ZNF266: variants seen among roughly 807,000 people sequenced by gnomAD.
The protein encoded by ZNF266 is zinc finger protein 266.
Under a neutral mutation model 16.4 loss-of-function variants are expected in ZNF266, and 16 were observed. The observed-to-expected ratio is 0.98, with a 90% confidence interval of 0.66 to 1.48. The LOEUF (loss-of-function observed/expected upper bound fraction) is 1.48. ZNF266 is among the 40% of genes most tolerant of loss of function. The probability of loss-of-function intolerance (pLI) is 0.00; values close to 1 mark genes in which losing one functional copy is unlikely to be tolerated. For synonymous variants in ZNF266, 262 were observed against 237.9 expected (o/e 1.10, Z -0.93); for missense variants, 738 against 689.1 (o/e 1.07, Z -0.79).
At chr19:9,416,918 G>A (rs1245743242) in intron 9 of ZNF266, among the ~76,000 whole-genome samples, 5 of 151,320 alleles carry the variant, frequency 3.3e-5, no homozygotes, top group East Asian at 2.0e-4. Flanking sequence ...TGATCTGCCC[G>A]CCTCAGCCTC....
chr19:9,412,942 G>C lies in ZNF266; in HGVS notation c.*333C>G, dbSNP rs2068453134. 3.3e-6 allele frequency: 1 copy of C among 304,342 alleles called. No homozygotes were observed. Among genetic ancestry groups the C allele is most frequent in the Non-Finnish European group, 6.1e-6 (1 of 165,024 alleles). 18.9% of individuals were successfully genotyped at this position (304,342 alleles called of 1,614,324 possible). A position where few individuals can be genotyped will look rare whatever the true frequency, so the allele number is the denominator to read the frequency against. On this transcript the variant is annotated 3_prime_UTR_variant, in exon 11 of 11. Coordinates refer to ENST00000592904, the MANE Select transcript of ZNF266 (RefSeq NM_001370374.1). Reference sequence around the variant, plus strand: ...CAAATATGGAGTGGGGCATCATCCAGACCATACCATTTAAATTGCAGGGTT... The same window carrying C: ...CAAATATGGAGTGGGGCATCATCCACACCATACCATTTAAATTGCAGGGTT...
Position 9,434,092 on chromosome 19 carries a change from T to A in ZNF266, c.-266A>T, listed in dbSNP as rs2072071678. ...TGTCAAACCTGGGAGTAATCTTTGA[T>A]GCACTCCTCTCTCTCACCATAGAAG... On this transcript the variant is annotated 5_prime_UTR_variant, in exon 4 of 11. Coordinates refer to ENST00000592904, the MANE Select transcript of ZNF266 (RefSeq NM_001370374.1). 1 of 152,248 alleles carries A rather than the reference T, an allele frequency of 6.6e-6. No homozygotes were observed. The highest frequency in any genetic ancestry group is 2.4e-5 in the African/African-American group (1 of 41,464). 9.4% of individuals were successfully genotyped at this position (152,248 alleles called of 1,614,324 possible).
chr19:9,430,866 G>A (rs886572815), intron 5 of ZNF266, among the ~76,000 whole-genome samples: 3 of 152,210 alleles, frequency 2.0e-5, no homozygotes, highest in African/African-American at 4.8e-5. Flanking sequence ...CAGTCCCACA[G>A]GTCCTCTCTG....
intron 5 of ZNF266, among the ~76,000 whole-genome samples, chr19:9,427,988 G>C (rs200037582): frequency 1.3e-4 from 19 of 151,802 alleles, no homozygotes; most frequent in African/African-American, 4.6e-4. Context: ...AAAACGGGGG[G>C]AAAAATCAAC....
intron 5 of ZNF266, among the ~76,000 whole-genome samples, chr19:9,426,829 AG>A (rs1356130028): frequency 6.6e-6 from 1 of 152,176 alleles, no homozygotes; most frequent in African/African-American, 2.4e-5. Context: ...TAAATACAGG[AG>A]AAAAAAAATA....
chr19:9,428,524 G>A (rs1457603835), intron 5 of ZNF266, among the ~76,000 whole-genome samples: 1 of 152,190 alleles, frequency 6.6e-6, no homozygotes, highest in South Asian at 2.1e-4. Flanking sequence ...GGGGCTCAGT[G>A]GAATGCTGCT....
At chr19:9,417,262 G>T (rs150172801) in intron 9 of ZNF266, among the ~76,000 whole-genome samples, 1 of 152,096 alleles carries the variant, frequency 6.6e-6, no homozygotes, top group African/African-American at 2.4e-5. Context: ...CCGGCTACTC[G>T]GGAGGACGAG....
chr19:9,431,200 A>G (rs1379051847), intron 5 of ZNF266, among the ~76,000 whole-genome samples: 1 of 152,152 alleles, frequency 6.6e-6, no homozygotes. Flanking sequence ...CACGGTGGTC[A>G]GCAGTGTGGG....
At chr19:9,418,425 G>A (rs376722437) in intron 8 of ZNF266, 80 bp downstream of exon 8, 319 of 1,423,338 alleles carry the variant, frequency 2.2e-4, no homozygotes, top group Non-Finnish European at 2.7e-4. Flanking sequence ...GTTCAGAGTT[G>A]CTATCTCTGA....
chr19:9,432,533 T>C (rs903985163), intron 5 of ZNF266, among the ~76,000 whole-genome samples: 1 of 152,104 alleles, frequency 6.6e-6, no homozygotes, highest in African/African-American at 2.4e-5. Context: ...TCTTGGAAAC[T>C]GAGACTTTAA....
At position 9,435,405 on chromosome 19, in the gene ZNF266, GTCTC is replaced by G. The variant is rs2072320090; in HGVS notation, c.-683_-680del. The G allele has an allele frequency of 6.6e-6, 1 of 152,242 alleles. No individual in the cohort carries two copies. The highest frequency in any genetic ancestry group is 1.5e-5 in the Non-Finnish European group (1 of 68,084). The allele number at this position is 152,242 out of a possible 1,614,324, so 9.4% of individuals were successfully genotyped here. On this transcript the variant is annotated 5_prime_UTR_variant, in exon 1 of 11. An upstream open reading frame in the 5' UTR loses its in-frame stop. Coordinates refer to ENST00000592904, the MANE Select transcript of ZNF266 (RefSeq NM_001370374.1). Reference sequence around the variant, plus strand: ...GGCGGACGCGAGCGGAGCAGGCAAGGTCTCTCTAAGGAGGCCCCTCGGCGGCCTG... The same window carrying G: ...GGCGGACGCGAGCGGAGCAGGCAAGGTCTAAGGAGGCCCCTCGGCGGCCTG...
At chr19:9,426,088 G>C (rs555492063) in intron 5 of ZNF266, among the ~76,000 whole-genome samples, 83 of 152,258 alleles carry the variant, frequency 5.5e-4, no homozygotes, top group African/African-American at 1.9e-3. Context: ...CAAGGTTGCT[G>C]TTGGGGTCTG....
chr19:9,429,156 T>A (rs547366495), intron 5 of ZNF266, among the ~76,000 whole-genome samples: 2 of 152,118 alleles, frequency 1.3e-5, no homozygotes, highest in Non-Finnish European at 2.9e-5. Context: ...TGTCCTCAAA[T>A]AACTACTTTT....
chr19:9,416,700 C>T (rs2069076684), intron 9 of ZNF266, among the ~76,000 whole-genome samples: 1 of 97,124 alleles, frequency 1.0e-5, no homozygotes, highest in African/African-American at 4.2e-5. Context: ...GAGACAGAGT[C>T]TTGCTCTCTC....
chr19:9,416,877 G>T (rs1400875668), intron 9 of ZNF266, among the ~76,000 whole-genome samples: 1 of 151,020 alleles, frequency 6.6e-6, no homozygotes, highest in Non-Finnish European at 1.5e-5. Flanking sequence ...CACCATGTTG[G>T]CCAGGCTGGT....
intron 5 of ZNF266, among the ~76,000 whole-genome samples, chr19:9,431,333 T>G (rs1341903325): frequency 6.6e-6 from 1 of 152,082 alleles, no homozygotes; most frequent in Non-Finnish European, 1.5e-5. Flanking sequence ...CGCCACATGC[T>G]CAAAGGACTC....
Position 9,414,564 on chromosome 19 carries a change from T to C in ZNF266, c.562A>G (p.Lys188Glu). 6.2e-7 allele frequency: 1 copy of C among 1,613,992 alleles called. No individual in the cohort carries two copies. The highest frequency in any genetic ancestry group is 8.5e-7 in the Non-Finnish European group (1 of 1,179,816). Reference sequence around the variant, plus strand: ...GAACGTTGCTCTCCAGTAGAGGTTTTCTTGTGCAGAGTAAGGAAGTCTACT... The same window carrying C: ...GAACGTTGCTCTCCAGTAGAGGTTTCCTTGTGCAGAGTAAGGAAGTCTACT... ...YGVDFLTLHK[K>E]TSTGEQRSVF... is the part of the protein sequence containing the mutation. Residue 188 changes from lysine to glutamate, a missense_variant, in exon 11 of 11, where the codon AAA (lysine) becomes GAA (glutamate). Coordinates refer to ENST00000592904, the MANE Select transcript of ZNF266 (RefSeq NM_001370374.1).
At chr19:9,433,395 C>A (rs2071937204) in intron 5 of ZNF266, among the ~76,000 whole-genome samples, 1 of 152,004 alleles carries the variant, frequency 6.6e-6, no homozygotes, top group Non-Finnish European at 1.5e-5. Context: ...TCTGGACATT[C>A]CTTCAGGGAA....
intron 5 of ZNF266, among the ~76,000 whole-genome samples, chr19:9,431,187 C>T (rs1288843745): frequency 7.9e-5 from 12 of 152,106 alleles, no homozygotes; most frequent in African/African-American, 1.7e-4. Context: ...GATACAATTG[C>T]GACACGGTGG....
Sources: allele counts gnomAD v4.1 joint callset (sites outside exome capture counted in the v4.1 genomes callset), GRCh38; gene constraint gnomAD v4.1.1; transcripts MANE v1.5; gene names NCBI Gene and HGNC (gene_info 2026-07-23, HGNC 2026-07-21).